GTF2F2: variants seen among roughly 807,000 people sequenced by gnomAD.
The protein encoded by GTF2F2 is ATP-dependent helicase GTF2F2.
In GTF2F2, 23 loss-of-function variants were observed where a neutral mutation model predicts 42.2. The ratio of observed to expected loss-of-function variants is 0.55; its 90% CI spans 0.39 to 0.77. The LOEUF is 0.77. GTF2F2 is among the 30% of genes least tolerant of loss of function. The pLI is 0.00. For synonymous variants in GTF2F2, 105 were observed against 100.8 expected, an observed-to-expected ratio of 1.04 and a Z score of -0.25; for missense variants, 261 against 287.2, an observed-to-expected ratio of 0.91 and a Z score of 0.66.
chr13:45,230,544 T>C (rs986025101), intron 5 of GTF2F2, among the ~76,000 whole-genome samples: 1 of 152,228 alleles, frequency 6.6e-6, no homozygotes, highest in Non-Finnish European at 1.5e-5. Context: ...TAGCATTGTC[T>C]TGTATTTACT....
At chr13:45,128,212 A>G (rs929213413) in intron 1 of GTF2F2, among the ~76,000 whole-genome samples, 1 of 145,408 alleles carries the variant, frequency 6.9e-6, no homozygotes, top group Non-Finnish European at 1.5e-5. Context: ...CGCCTGCCTC[A>G]GCCTTCCAAA....
chr13:45,120,996 C>T (rs1389157238), intron 1 of GTF2F2, among the ~76,000 whole-genome samples: 1 of 152,170 alleles, frequency 6.6e-6, no homozygotes, highest in Admixed American at 6.5e-5. Context: ...TTGGTGTCCC[C>T]AGATTTGGAC....
At chr13:45,142,222 A>G (rs1056440821) in intron 2 of GTF2F2, among the ~76,000 whole-genome samples, 2 of 152,230 alleles carry the variant, frequency 1.3e-5, no homozygotes, top group African/African-American at 4.8e-5. Flanking sequence ...GCTGGAGCGC[A>G]GTGGCGTGAT....
chr13:45,141,561 G>T (rs939278994), intron 2 of GTF2F2, among the ~76,000 whole-genome samples: 1 of 152,068 alleles, frequency 6.6e-6, no homozygotes, highest in Non-Finnish European at 1.5e-5. Context: ...GGGTGAAGAC[G>T]GTGGGTAGTT....
intron 7 of GTF2F2, among the ~76,000 whole-genome samples, chr13:45,273,626 A>G (rs959401350): frequency 6.9e-6 from 1 of 144,616 alleles, no homozygotes; most frequent in Non-Finnish European, 1.5e-5. Flanking sequence ...CCATCCTTCC[A>G]GTCCCACTTG....
At chr13:45,258,392 C>T (rs549297982) in intron 6 of GTF2F2, among the ~76,000 whole-genome samples, 2 of 152,026 alleles carry the variant, frequency 1.3e-5, no homozygotes, top group African/African-American at 2.4e-5. Flanking sequence ...AAATCTCCCT[C>T]CCTCCCACTT....
intron 6 of GTF2F2, among the ~76,000 whole-genome samples, chr13:45,256,698 T>C (rs1593521646): frequency 6.6e-6 from 1 of 152,274 alleles, no homozygotes; most frequent in East Asian, 1.9e-4. Flanking sequence ...ATTTTTGTTA[T>C]TTATTAGAAG....
chr13:45,244,000 T>G (rs1021530167), intron 5 of GTF2F2, among the ~76,000 whole-genome samples: 1 of 152,338 alleles, frequency 6.6e-6, no homozygotes, highest in South Asian at 2.1e-4. Flanking sequence ...CTATCCACAG[T>G]TGGTTGAATC....
intron 7 of GTF2F2, among the ~76,000 whole-genome samples, chr13:45,269,627 G>T (rs556517572): frequency 6.6e-6 from 1 of 152,206 alleles, no homozygotes; most frequent in East Asian, 1.9e-4. Context: ...TCCAGGAAAG[G>T]GGGTGTTCTG....
intron 5 of GTF2F2, among the ~76,000 whole-genome samples, chr13:45,230,197 CAG>C (rs1298821291): frequency 1.3e-5 from 2 of 150,956 alleles, no homozygotes; most frequent in African/African-American, 2.4e-5. Flanking sequence ...GCCAGGGCAA[CAG>C]AGCAAGACTC....
intron 7 of GTF2F2, among the ~76,000 whole-genome samples, chr13:45,273,655 A>ATTTTTTTTTTTTTTTTTTTTTTTTTTTTT (rs773254844): frequency 8.1e-6 from 1 of 123,864 alleles, no homozygotes; most frequent in Non-Finnish European, 1.6e-5. Context: ...GAGTGGTAAA[A>ATTTTTTTTTTTTTTTTTTTTTTTTTTTTT]TTTTTTTTTT....
chr13:45,260,165 G>A (rs1319370765), intron 6 of GTF2F2, among the ~76,000 whole-genome samples: 1 of 152,146 alleles, frequency 6.6e-6, no homozygotes, highest in Non-Finnish European at 1.5e-5. Flanking sequence ...CTTCAGTGTG[G>A]CAGCCGACTG....
In GTF2F2 at chr13:45,193,858, C is replaced by T. The variant is rs752365096; in HGVS notation, c.305-13566C>T. The T allele has an allele frequency of 9.3e-6, 15 of 1,613,942 alleles. No homozygotes were observed. In the South Asian group the frequency reaches 1.5e-4, roughly 17 times the overall value. On this transcript the variant is annotated intron_variant, in intron 4 of 7. Coordinates refer to ENST00000340473, the MANE Select transcript of GTF2F2 (RefSeq NM_004128.3). ...GGAACAATCCAGGCTGGTCAGCAGTCTAAAGCCACACTTTAAAGCCATCAT... is the reference window on the plus strand; with the variant it reads ...GGAACAATCCAGGCTGGTCAGCAGTTTAAAGCCACACTTTAAAGCCATCAT...
chr13:45,167,496 C>T (rs1046872742), intron 4 of GTF2F2, among the ~76,000 whole-genome samples: 14 of 150,452 alleles, frequency 9.3e-5, no homozygotes, highest in Non-Finnish European at 2.1e-4. Context: ...CTCCCAGGTT[C>T]AAGTGATTCT....
chr13:45,147,875 CT>C (rs1405541617), intron 2 of GTF2F2, among the ~76,000 whole-genome samples: 3 of 152,218 alleles, frequency 2.0e-5, no homozygotes, highest in Non-Finnish European at 4.4e-5. Flanking sequence ...TCACTCACTT[CT>C]TTTCCTGGCT....
chr13:45,215,051 AGCTC>A (rs1473562317), intron 5 of GTF2F2, among the ~76,000 whole-genome samples: 1 of 152,210 alleles, frequency 6.6e-6, no homozygotes, highest in Non-Finnish European at 1.5e-5. Flanking sequence ...TTCAAATACT[AGCTC>A]AAATATTGAA....
chr13:45,148,907 T>G (rs534461144), intron 2 of GTF2F2, among the ~76,000 whole-genome samples: 1 of 152,298 alleles, frequency 6.6e-6, no homozygotes, highest in South Asian at 2.1e-4. Flanking sequence ...TTAAAACTTA[T>G]TTTTTGCTCG....
chr13:45,265,300 C>A (rs983740894), intron 6 of GTF2F2, among the ~76,000 whole-genome samples: 31 of 151,944 alleles, frequency 2.0e-4, no homozygotes, highest in Non-Finnish European at 4.1e-4. Flanking sequence ...TTCAGTCTTC[C>A]CTAACAATAC....
intron 5 of GTF2F2, chr13:45,220,931 A>G (rs1485123858): frequency 1.4e-5 from 2 of 146,914 alleles, no homozygotes; most frequent in Non-Finnish European, 3.0e-5. Flanking sequence ...CATCTGCTTA[A>G]AATGTATGTG....
Sources: gnomAD v4.1 joint callset for allele counts (sites outside exome capture counted in the v4.1 genomes callset) on GRCh38, gnomAD v4.1.1 for gene constraint, MANE v1.5 for transcripts, NCBI Gene and HGNC (gene_info 2026-07-23, HGNC 2026-07-21) for gene names.